Variants in DIAPH3 observed in about 807,000 individuals in gnomAD.
The protein encoded by DIAPH3 is protein diaphanous homolog 3.
A neutral mutation model predicts 144.3 loss-of-function variants in DIAPH3; 117 were observed. That is an observed-to-expected ratio of 0.81 (90% CI 0.70 to 0.95). The LOEUF is 0.95. Among genes scored for constraint, DIAPH3 ranks in the 40% least tolerant of loss-of-function variants. DIAPH3 has a pLI of 0.00. For missense variants in DIAPH3, 1,421 were observed against 1,412.7 expected (o/e 1.01, Z -0.09); for synonymous variants, 519 against 488.9 (o/e 1.06, Z -0.81).
At chr13:60,148,871 T>C (rs891479624) in intron 1 of DIAPH3, among the ~76,000 whole-genome samples, 4 of 152,242 alleles carry the variant, frequency 2.6e-5, no homozygotes, top group African/African-American at 9.6e-5. Flanking sequence ...CACTGTAGTA[T>C]GTGTTGATTC....
intron 22 of DIAPH3, among the ~76,000 whole-genome samples, chr13:59,855,413 A>G (rs576829370): frequency 1.1e-4 from 16 of 152,154 alleles, no homozygotes; most frequent in African/African-American, 3.9e-4. Flanking sequence ...ATATGCAAAC[A>G]TATATAAATT....
intron 3 of DIAPH3, among the ~76,000 whole-genome samples, chr13:60,095,148 TAAA>T (rs1044592714): frequency 1.3e-5 from 2 of 151,928 alleles, no homozygotes; most frequent in African/African-American, 4.8e-5. Context: ...TTCACACACC[TAAA>T]AAAGAGAGAG....
At position 59,983,875 on chromosome 13, in the gene DIAPH3, G is replaced by C; in HGVS notation, c.1374C>G (p.Phe458Leu). The C allele has an allele frequency of 6.2e-7, 1 of 1,603,444 alleles. No homozygotes were observed. Among genetic ancestry groups the C allele is most frequent in the Non-Finnish European group, 8.5e-7 (1 of 1,171,716 alleles). The change falls in exon 13 of 28, where the codon TTC becomes TTG. Residue 458 changes from phenylalanine to leucine, a missense_variant. By Grantham distance (22) the Phe-to-Leu change is conservative. Transcript: ENST00000400324. ...GGGATACACACTCATCAATTAATTT[G>C]AAGTATTGTTGCCTAAAACCAAAGA... Reference protein sequence around the residue: ...RNDYFIRQQYFKLIDECVSQI... With the variant: ...RNDYFIRQQYLKLIDECVSQI...
At chr13:59,943,631 G>A (rs1005268969) in intron 17 of DIAPH3, among the ~76,000 whole-genome samples, 6 of 151,942 alleles carry the variant, frequency 3.9e-5, no homozygotes, top group Admixed American at 3.3e-4. Flanking sequence ...AAAGAATCTC[G>A]GTTGAAATTG....
chr13:59,970,175 T>G, intron 16 of DIAPH3, 117 bp from the exon 17 acceptor site: 1 of 497,306 alleles, frequency 2.0e-6, no homozygotes, highest in Non-Finnish European at 3.5e-6. Flanking sequence ...AAGTCGTATC[T>G]GTAAGATTTT....
intron 2 of DIAPH3, among the ~76,000 whole-genome samples, chr13:60,114,466 A>G (rs746195285): frequency 1.3e-5 from 2 of 152,200 alleles, no homozygotes; most frequent in Non-Finnish European, 2.9e-5. Context: ...TCTGTGATAC[A>G]CATCAAATGT....
chr13:59,891,223 T>C (rs2045772896), intron 20 of DIAPH3, among the ~76,000 whole-genome samples: 1 of 152,094 alleles, frequency 6.6e-6, no homozygotes, highest in African/African-American at 2.4e-5. Flanking sequence ...TGCAAAGTGA[T>C]GAATCACAAG....
chr13:59,756,229 A>G (rs2037249205), intron 27 of DIAPH3, among the ~76,000 whole-genome samples: 1 of 152,196 alleles, frequency 6.6e-6, no homozygotes, highest in Admixed American at 6.5e-5. Flanking sequence ...CTTTTCTTAT[A>G]GCATCTGTTT....
At chr13:59,740,702 C>G (rs773596299) in intron 27 of DIAPH3, among the ~76,000 whole-genome samples, 13 of 152,102 alleles carry the variant, frequency 8.5e-5, no homozygotes, top group Non-Finnish European at 1.9e-4. Flanking sequence ...AAACGTACCG[C>G]AAGCTGGAAT....
intron 27 of DIAPH3, among the ~76,000 whole-genome samples, chr13:59,753,382 C>A (rs930245284): frequency 6.6e-6 from 1 of 152,170 alleles, no homozygotes; most frequent in African/African-American, 2.4e-5. Flanking sequence ...ATTTTCATGA[C>A]TCCAAATAAT....
intron 5 of DIAPH3, among the ~76,000 whole-genome samples, chr13:60,035,464 C>T (rs2055142734): frequency 6.6e-6 from 1 of 152,174 alleles, no homozygotes; most frequent in Non-Finnish European, 1.5e-5. Flanking sequence ...ACTGTGAAAG[C>T]ATGAGAAAGT....
chr13:59,741,019 C>A (rs2036413350), intron 27 of DIAPH3, among the ~76,000 whole-genome samples: 1 of 152,134 alleles, frequency 6.6e-6, no homozygotes, highest in Non-Finnish European at 1.5e-5. Flanking sequence ...TGTAGGAAAC[C>A]AAGGTGACTA....
intron 9 of DIAPH3, among the ~76,000 whole-genome samples, chr13:60,005,017 C>G (rs2052766582): frequency 6.6e-6 from 1 of 152,164 alleles, no homozygotes; most frequent in South Asian, 2.1e-4. Flanking sequence ...TCACTCAACA[C>G]TAAATATGGC....
chr13:60,032,505 C>T (rs913650851), intron 5 of DIAPH3, among the ~76,000 whole-genome samples: 1 of 152,228 alleles, frequency 6.6e-6, no homozygotes, highest in Non-Finnish European at 1.5e-5. Flanking sequence ...ATGGAAGTCA[C>T]CAAGACTTAC....
intron 21 of DIAPH3, among the ~76,000 whole-genome samples, chr13:59,871,931 G>A (rs1307838711): frequency 2.0e-5 from 3 of 152,090 alleles, no homozygotes; most frequent in Admixed American, 6.6e-5. Context: ...GATCAGTAAC[G>A]ATAGTCCCTC....
At chr13:59,984,569 C>T (rs1233810686) in intron 12 of DIAPH3, among the ~76,000 whole-genome samples, 2 of 151,300 alleles carry the variant, frequency 1.3e-5, no homozygotes, top group South Asian at 2.1e-4. Context: ...ATTGATAGAT[C>T]GCTAGCAAGA....
At chr13:59,985,143 C>T (rs1217557695) in intron 12 of DIAPH3, among the ~76,000 whole-genome samples, 218 of 140,944 alleles carry the variant, frequency 1.5e-3, no homozygotes, top group African/African-American at 5.4e-3. Flanking sequence ...TGGGCTTCAT[C>T]CCTGGGATGC....
chr13:60,081,194 A>G (rs556038053), intron 4 of DIAPH3, among the ~76,000 whole-genome samples: 5 of 152,104 alleles, frequency 3.3e-5, no homozygotes, highest in East Asian at 1.9e-4. Flanking sequence ...CCAACTATCA[A>G]TGGGATTCAG....
intron 18 of DIAPH3, among the ~76,000 whole-genome samples, chr13:59,921,222 G>A (rs1593992721): frequency 8.0e-6 from 1 of 125,684 alleles, no homozygotes; most frequent in African/African-American, 3.0e-5. Flanking sequence ...GTAGAAGCAA[G>A]AAAATATTAA....
Sources: allele counts gnomAD v4.1 joint callset (sites outside exome capture counted in the v4.1 genomes callset), GRCh38; gene constraint gnomAD v4.1.1; transcripts MANE v1.5; gene names NCBI Gene and HGNC (gene_info 2026-07-23, HGNC 2026-07-21).